The following PRPF3 variants were observed in gnomAD, a reference collection of about 807,000 sequenced individuals.
PRPF3 encodes pre-mRNA processing factor 3.
Under a neutral mutation model 89.2 loss-of-function variants are expected in PRPF3, and 3 were observed. That is an observed-to-expected ratio of 0.03 (90% CI 0.02 to 0.09). PRPF3 has a LOEUF of 0.09. Ranked by LOEUF, PRPF3 falls within the 10% of genes least tolerant of loss-of-function variation. The pLI is 1.00. For synonymous variants in PRPF3, 270 were observed against 289.1 expected (o/e 0.93, Z 0.67); for missense variants, 463 against 828.8 (o/e 0.56, Z 5.42).
At chr1:150,326,417 G>T (rs1384266446) in intron 3 of PRPF3, among the ~76,000 whole-genome samples, 1 of 152,130 alleles carries the variant, frequency 6.6e-6, no homozygotes, top group Admixed American at 6.6e-5. Context: ...TGAAACACTT[G>T]GAGGAGTTGT....
intron 9 of PRPF3, 59 bp downstream of exon 9, chr1:150,340,536 A>G: frequency 8.0e-7 from 1 of 1,244,908 alleles, no homozygotes; most frequent in Admixed American, 1.7e-5. Flanking sequence ...GGAAATTTAT[A>G]CAGTGAGGAA....
In PRPF3 at chr1:150,332,701, G is replaced by A; in HGVS notation, c.441G>A (p.Glu147=). The part of the protein sequence containing the change: ...LTKLQIKQMM[E]AATRQIEERK... The stretch of plus-strand genomic sequence containing the variant: ...GAGAGCAGATCAAACAGATGATGGA[G>A]GCAGCAACACGACAAATCGAGGAGA... Residue 147 remains glutamate (E), a synonymous_variant, in exon 5 of 16, where the codon GAG becomes GAA. Transcript: ENST00000324862. 1 of 1,614,126 alleles carries A rather than the reference G, an allele frequency of 6.2e-7. No homozygotes were observed. The highest frequency in any genetic ancestry group is 8.5e-7 in the Non-Finnish European group (1 of 1,180,022).
intron 9 of PRPF3, among the ~76,000 whole-genome samples, chr1:150,340,692 T>C (rs1337840280): frequency 1.3e-5 from 2 of 152,126 alleles, no homozygotes; most frequent in African/African-American, 4.8e-5. Flanking sequence ...TAGAATTTCA[T>C]GAGACAGCCA....
rs1658656757 is a variant in PRPF3, at chr1:150,349,365, G to T, written c.1905+147G>T. On this transcript the variant is annotated intron_variant, in intron 15 of 15. Coordinates refer to ENST00000324862, the MANE Select transcript of PRPF3 (RefSeq NM_004698.4). ...TCTTTTTGGAATCCATTTTTAAATG[G>T]TTGGCAGTAAATTCTTCCTGATCAT... 5.5e-6 allele frequency: 4 copies of T among 728,644 alleles called. No homozygotes were observed. In the South Asian group the frequency reaches 6.4e-5, roughly 12 times the overall value. The allele number at this position is 728,644 out of a possible 1,614,324, so 45.1% of individuals were successfully genotyped here.
chr1:150,328,570 G>A, intron 4 of PRPF3, 104 bp downstream of exon 4: 2 of 253,338 alleles, frequency 7.9e-6, no homozygotes, highest in Non-Finnish European at 1.2e-5. Context: ...TTTTTTTTTT[G>A]AGGTGGAGTT....
In PRPF3 at chr1:150,334,843, C is replaced by T. The variant is rs1361962112; in HGVS notation, c.729-92C>T. On this transcript the variant is annotated intron_variant, in intron 6 of 15. Transcript: ENST00000324862. ...CTTGGCCTCCCAAAATGCTGTGGTTCCAGGCTTGAGCCACCACGCCTGGCT... is the reference window on the plus strand; with the variant it reads ...CTTGGCCTCCCAAAATGCTGTGGTTTCAGGCTTGAGCCACCACGCCTGGCT... The T allele has an allele frequency of 3.4e-6, 5 of 1,482,468 alleles. No homozygotes were observed. In the African/African-American group the frequency reaches 5.5e-5, roughly 16 times the overall value. The allele number at this position is 1,482,468 out of a possible 1,614,324, so 91.8% of individuals were successfully genotyped here.
At chr1:150,341,401 T>A (rs1268424800) in intron 9 of PRPF3, among the ~76,000 whole-genome samples, 1 of 32,072 alleles carries the variant, frequency 3.1e-5, no homozygotes, top group African/African-American at 8.6e-5. Flanking sequence ...GTTGCTTCTA[T>A]TTTTTTTTTT....
chr1:150,352,804 A>C, intron 15 of PRPF3, 29 bp from the exon 16 acceptor site: 1 of 1,608,000 alleles, frequency 6.2e-7, no homozygotes, highest in Non-Finnish European at 8.5e-7. Context: ...AAGAAATTGA[A>C]GTGTTTTTAT....
At chr1:150,327,600 C>G in intron 3 of PRPF3, 2 of 985,840 alleles carry the variant, frequency 2.0e-6, no homozygotes, top group Non-Finnish European at 2.4e-6. Flanking sequence ...TATGTCCTTG[C>G]AAAACACGAG....
At chr1:150,323,739 C>G (rs1553862847) in intron 1 of PRPF3, among the ~76,000 whole-genome samples, 1 of 150,490 alleles carries the variant, frequency 6.6e-6, no homozygotes, top group Admixed American at 6.7e-5. Flanking sequence ...AGAATTCCCA[C>G]TGGGATGAAT....
At chr1:150,348,892 G>A (rs1292539758) in intron 14 of PRPF3, 1 of 460,594 alleles carries the variant, frequency 2.2e-6, no homozygotes, top group African/African-American at 2.0e-5. Context: ...TTGACTGCTT[G>A]TCTTTTATTT....
intron 14 of PRPF3, chr1:150,348,824 T>TA: frequency 9.2e-6 from 3 of 327,308 alleles, no homozygotes; most frequent in Non-Finnish European, 1.7e-5. Flanking sequence ...TTGAGAGTAA[T>TA]ATATGATGTT....
chr1:150,328,033 A>G, intron 3 of PRPF3: 1 of 399,658 alleles, frequency 2.5e-6, no homozygotes, highest in Non-Finnish European at 4.7e-6. Flanking sequence ...GGTTGTGGAA[A>G]AGTTGAGAGA....
In PRPF3 at chr1:150,344,432, A is replaced by G; in HGVS notation, c.1527-2A>G. On this transcript the variant is annotated splice_acceptor_variant, in intron 11 of 15. Coordinates refer to ENST00000324862, the MANE Select transcript of PRPF3 (RefSeq NM_004698.4). LOFTEE classifies it high-confidence loss of function. The stretch of plus-strand genomic sequence containing the variant: ...TTGTGGATGTCCTTCCTGTCACGAC[A>G]GAGCGCATGAAGAGGCCAACGCTGC... The G allele has an allele frequency of 6.2e-7, 1 of 1,614,220 alleles. No individual in the cohort carries two copies. Among genetic ancestry groups the G allele is most frequent in the South Asian group, 1.1e-5 (1 of 91,086 alleles).
chr1:150,344,994 C>T (rs1658135649), intron 12 of PRPF3, among the ~76,000 whole-genome samples: 1 of 151,134 alleles, frequency 6.6e-6, no homozygotes. Flanking sequence ...TGCTGTGTTT[C>T]ATCCTCACTC....
intron 4 of PRPF3, among the ~76,000 whole-genome samples, chr1:150,331,356 T>A (rs934973707): frequency 4.6e-5 from 7 of 151,758 alleles, no homozygotes; most frequent in Middle Eastern, 3.2e-3. Flanking sequence ...TTAATTTTTT[T>A]ATTTTCTTTC....
chr1:150,341,697 C>T (rs1384527837), intron 9 of PRPF3, among the ~76,000 whole-genome samples: 1 of 130,574 alleles, frequency 7.7e-6, no homozygotes, highest in Non-Finnish European at 1.6e-5. Flanking sequence ...TGAGCCACCG[C>T]GCCCGGCCTT....
intron 6 of PRPF3, 87 bp downstream of exon 6, chr1:150,333,286 G>A (rs1179409594): frequency 7.0e-6 from 10 of 1,424,526 alleles, no homozygotes; most frequent in African/African-American, 4.2e-5. Flanking sequence ...CTGGCTGGGC[G>A]CAGTGCCTCA....
At chr1:150,334,640 G>C (rs1553866734) in intron 6 of PRPF3, among the ~76,000 whole-genome samples, 1 of 151,872 alleles carries the variant, frequency 6.6e-6, no homozygotes, top group African/African-American at 2.4e-5. Context: ...AACTCTTATA[G>C]AGAAGGCACT....
Sources: allele counts gnomAD v4.1 joint callset (sites outside exome capture counted in the v4.1 genomes callset), GRCh38; gene constraint gnomAD v4.1.1; transcripts MANE v1.5; gene names NCBI Gene and HGNC (gene_info 2026-07-23, HGNC 2026-07-21).